Variants in HSD17B4 observed in about 807,000 individuals in gnomAD.
HSD17B4 encodes hydroxysteroid 17-beta dehydrogenase 4.
HSD17B4 carries 70 observed loss-of-function variants against 101.0 expected under a neutral mutation model. The observed-to-expected ratio is 0.69, with a 90% CI of 0.57 to 0.85. The LOEUF (loss-of-function observed/expected upper bound fraction) is 0.85, where lower values mean the gene tolerates loss of function less well. Among genes scored for constraint, HSD17B4 ranks in the 40% least tolerant of loss-of-function variants. The probability of loss-of-function intolerance (pLI) is 0.00; values close to 1 mark genes in which losing one functional copy is unlikely to be tolerated. For synonymous variants in HSD17B4, 347 were observed against 297.1 expected (o/e 1.17, Z -1.73); for missense variants, 984 against 892.4 (o/e 1.10, Z -1.31).
At chr5:119,521,441 TA>T (rs1753103344) in intron 17 of HSD17B4, among the ~76,000 whole-genome samples, 1 of 151,984 alleles carries the variant, frequency 6.6e-6, no homozygotes, top group African/African-American at 2.4e-5. Flanking sequence ...TTTATAGTAT[TA>T]AAATTTTAAA....
At chr5:119,457,291 C>G (rs1295073544) in intron 2 of HSD17B4, among the ~76,000 whole-genome samples, 1 of 152,222 alleles carries the variant, frequency 6.6e-6, no homozygotes, top group Non-Finnish European at 1.5e-5. Flanking sequence ...CTAATTTCAG[C>G]TTTCTGACAT....
At chr5:119,462,596 C>T (rs1009169692) in intron 2 of HSD17B4, among the ~76,000 whole-genome samples, 7 of 150,142 alleles carry the variant, frequency 4.7e-5, no homozygotes, top group African/African-American at 1.0e-4. Flanking sequence ...TTTAGCTATA[C>T]GTTTAAGTGG....
chr5:119,524,278 GCTTT>G (rs1335478186), intron 17 of HSD17B4, among the ~76,000 whole-genome samples: 1 of 151,908 alleles, frequency 6.6e-6, no homozygotes, highest in Admixed American at 6.6e-5. Context: ...AAAGAATGAT[GCTTT>G]CTTATGAATT....
At chr5:119,483,156 A>T (rs1307671881) in intron 8 of HSD17B4, among the ~76,000 whole-genome samples, 2 of 152,108 alleles carry the variant, frequency 1.3e-5, no homozygotes, top group South Asian at 4.1e-4. Flanking sequence ...AAAACTTATA[A>T]AAGTGTTGGA....
intron 22 of HSD17B4, among the ~76,000 whole-genome samples, chr5:119,534,539 C>G (rs1054008825): frequency 1.3e-5 from 2 of 152,128 alleles, no homozygotes; most frequent in Non-Finnish European, 2.9e-5. Flanking sequence ...TTGAGGATAC[C>G]ATGTGATCAT....
chr5:119,532,442 G>A (rs1001994899), intron 22 of HSD17B4, among the ~76,000 whole-genome samples: 1 of 152,032 alleles, frequency 6.6e-6, no homozygotes, highest in African/African-American at 2.4e-5. Flanking sequence ...CATGTAGAAA[G>A]CATAGTTTTA....
chr5:119,508,981 G>A (rs1431409422), intron 15 of HSD17B4, among the ~76,000 whole-genome samples, 160 bp from the exon 16 acceptor site: 1 of 152,150 alleles, frequency 6.6e-6, no homozygotes, highest in African/African-American at 2.4e-5. Flanking sequence ...TAAAATGAAT[G>A]CTTTGTAATC....
chr5:119,492,318 C>G (rs1329658158), intron 10 of HSD17B4, 194 bp downstream of exon 10: 12 of 612,628 alleles, frequency 2.0e-5, no homozygotes, highest in Non-Finnish European at 3.5e-5. Context: ...GTGGCCCTTT[C>G]AAGACCCTAT....
intron 1 of HSD17B4, among the ~76,000 whole-genome samples, chr5:119,454,663 C>T (rs915672390): frequency 1.3e-5 from 2 of 151,946 alleles, no homozygotes; most frequent in African/African-American, 4.8e-5. Context: ...GCTCTGTTGC[C>T]GAGGCTGGAG....
At chr5:119,540,089 T>A (rs1754862404) in intron 23 of HSD17B4, among the ~76,000 whole-genome samples, 1 of 152,040 alleles carries the variant, frequency 6.6e-6, no homozygotes, top group Admixed American at 6.6e-5. Flanking sequence ...CCTGTGTCAA[T>A]CAATCAGTAG....
intron 7 of HSD17B4, 197 bp downstream of exon 7, chr5:119,477,698 C>T: frequency 3.5e-6 from 2 of 569,504 alleles, no homozygotes. Context: ...AGCTGGAAAG[C>T]TTTATATTTA....
intron 2 of HSD17B4, among the ~76,000 whole-genome samples, chr5:119,465,256 T>C (rs998493309): frequency 1.1e-4 from 17 of 152,344 alleles, no homozygotes; most frequent in African/African-American, 3.8e-4. Flanking sequence ...GATTGCTTTC[T>C]GGTTTCTTTT....
chr5:119,470,362 G>C (rs887293181), intron 2 of HSD17B4, among the ~76,000 whole-genome samples: 2 of 152,088 alleles, frequency 1.3e-5, no homozygotes, highest in African/African-American at 4.8e-5. Context: ...TTGGCCTCCA[G>C]GTCAGAATGC....
intron 8 of HSD17B4, among the ~76,000 whole-genome samples, chr5:119,486,738 C>T (rs147605250): frequency 1.7e-4 from 26 of 152,094 alleles, no homozygotes; most frequent in African/African-American, 5.8e-4. Flanking sequence ...TACATGTGTT[C>T]TGGATTACAA....
chr5:119,505,595 A>G (rs1052422677), intron 14 of HSD17B4, among the ~76,000 whole-genome samples: 40 of 152,078 alleles, frequency 2.6e-4, no homozygotes, highest in African/African-American at 7.7e-4. Flanking sequence ...TTGATTTTGT[A>G]TCCTGAAACT....
chr5:119,477,828 C>T, intron 7 of HSD17B4: 1 of 285,062 alleles, frequency 3.5e-6, no homozygotes, highest in South Asian at 3.9e-5. Context: ...ACATGGCTCA[C>T]TGTAGCCTTA....
At chr5:119,533,100 C>T (rs1001690750) in intron 22 of HSD17B4, among the ~76,000 whole-genome samples, 8 of 152,128 alleles carry the variant, frequency 5.3e-5, no homozygotes, top group African/African-American at 1.9e-4. Flanking sequence ...GCAGTTCATT[C>T]AGATAAGGAC....
At chr5:119,526,790 G>C (rs1394339611) in intron 19 of HSD17B4, among the ~76,000 whole-genome samples, 1 of 151,806 alleles carries the variant, frequency 6.6e-6, no homozygotes, top group Non-Finnish European at 1.5e-5. Flanking sequence ...TCATTCCTTA[G>C]ACTTAATTTG....
chr5:119,464,844 T>G (rs2126647271), intron 2 of HSD17B4, among the ~76,000 whole-genome samples: 1 of 152,328 alleles, frequency 6.6e-6, no homozygotes, highest in East Asian at 1.9e-4. Flanking sequence ...TCCGCCTGCC[T>G]TGGCCTCCTG....
Sources: allele counts gnomAD v4.1 joint callset (sites outside exome capture counted in the v4.1 genomes callset), GRCh38; gene constraint gnomAD v4.1.1; transcripts MANE v1.5; gene names NCBI Gene and HGNC (gene_info 2026-07-23, HGNC 2026-07-21).